The following FGF14 variants were observed in gnomAD, a reference collection of about 807,000 sequenced individuals.
FGF14 encodes fibroblast growth factor homologous factor 4.
Under a neutral mutation model 25.5 loss-of-function variants are expected in FGF14, and 5 were observed. That is an observed-to-expected ratio of 0.20 (90% CI 0.10 to 0.41). FGF14 has a LOEUF of 0.41. FGF14 is among the 10% of genes least tolerant of loss of function. The pLI, the probability that FGF14 is intolerant of heterozygous loss-of-function variation, is 1.00. For synonymous variants in FGF14, 138 were observed against 118.3 expected, an observed-to-expected ratio of 1.17 and a Z score of -1.08; for missense variants, 222 against 320.1, an observed-to-expected ratio of 0.69 and a Z score of 2.34.
At chr13:101,733,575 C>T (rs2035957941) in intron 3 of FGF14, among the ~76,000 whole-genome samples, 1 of 114,906 alleles carries the variant, frequency 8.7e-6, no homozygotes, top group Non-Finnish European at 1.7e-5. Context: ...AGCCTGGCGA[C>T]AGAACAAGAC....
At chr13:102,133,945 C>T (rs766315152) in intron 1 of FGF14, among the ~76,000 whole-genome samples, 1 of 152,188 alleles carries the variant, frequency 6.6e-6, no homozygotes, top group Non-Finnish European at 1.5e-5. Flanking sequence ...TCTCTTTCTA[C>T]AAAACACACA....
intron 1 of FGF14, among the ~76,000 whole-genome samples, chr13:102,047,615 T>C (rs1163005487): frequency 6.6e-6 from 1 of 151,712 alleles, no homozygotes; most frequent in Non-Finnish European, 1.5e-5. Context: ...CACTCATAGG[T>C]GGGAATTGAA....
intron 1 of FGF14, among the ~76,000 whole-genome samples, chr13:102,049,324 A>C (rs1485017590): frequency 1.3e-5 from 2 of 152,162 alleles, no homozygotes; most frequent in Non-Finnish European, 2.9e-5. Flanking sequence ...TAAATCTGAA[A>C]ATCAAATTTT....
intron 1 of FGF14, among the ~76,000 whole-genome samples, chr13:102,161,707 A>AT (rs2047774427): frequency 1.3e-5 from 2 of 149,454 alleles, no homozygotes; most frequent in South Asian, 4.3e-4. Context: ...GAAGAAGAAG[A>AT]AGAAGAAGAA....
At chr13:101,750,458 A>G (rs2037198480) in intron 3 of FGF14, among the ~76,000 whole-genome samples, 1 of 152,220 alleles carries the variant, frequency 6.6e-6, no homozygotes, top group African/African-American at 2.4e-5. Flanking sequence ...GTACATACAC[A>G]AACACATATT....
At chr13:102,294,570 G>A (rs1333384696) in intron 1 of FGF14, among the ~76,000 whole-genome samples, 9 of 152,102 alleles carry the variant, frequency 5.9e-5, no homozygotes, top group African/African-American at 2.2e-4. Flanking sequence ...TTTTAACCCC[G>A]TGGCATCCAC....
chr13:101,877,870 A>G lies in FGF14; in HGVS notation c.194-2574T>C, dbSNP rs142649077. 2.0e-3 allele frequency among the ~76,000 whole-genome samples: 310 copies of G among 152,304 alleles called. 2 individuals carry two copies. Among genetic ancestry groups the G allele is most frequent in the African/African-American group, 6.9e-3 (286 of 41,586 alleles). ...TTACCAAAATTGCTAGTTCAGTACT[A>G]TAAGTTTAAAACAAATGGGTTGCTC... On this transcript the variant is annotated intron_variant, in intron 1 of 4. Transcript: ENST00000376143.
rs959363633 is a variant in FGF14, at chr13:102,400,981, G to A, written c.208+490C>T. Among the ~76,000 whole-genome samples the A allele has an allele frequency of 3.3e-5, 5 of 152,108 alleles. No homozygotes were observed. The highest frequency in any genetic ancestry group is 9.7e-5 in the African/African-American group (4 of 41,416). Reference sequence around the variant, plus strand: ...CGGAGGAGCGGGGCCGCGAGGGAGGGGGCCTCTTTTACTTTGGTAAAGGTG... The same window carrying A: ...CGGAGGAGCGGGGCCGCGAGGGAGGAGGCCTCTTTTACTTTGGTAAAGGTG... On this transcript the variant is annotated intron_variant, in intron 1 of 4. Coordinates refer to the FGF14 transcript ENST00000376131. This position sits in a 1 kb window ranked among gnomAD's most constrained non-coding sequence, Gnocchi z 4.3.
At chr13:101,812,135 G>C (rs1026064809) in intron 3 of FGF14, among the ~76,000 whole-genome samples, 1 of 152,134 alleles carries the variant, frequency 6.6e-6, no homozygotes, top group Non-Finnish European at 1.5e-5. Context: ...GAGATGAAAA[G>C]ATGTCATTCT....
intron 1 of FGF14, among the ~76,000 whole-genome samples, chr13:102,326,546 T>C (rs940655259): frequency 6.6e-6 from 1 of 151,552 alleles, no homozygotes; most frequent in East Asian, 1.9e-4. Flanking sequence ...TATTTATAAG[T>C]TGGCTATGAA....
At chr13:101,892,839 GA>G (rs1431155810) in intron 1 of FGF14, among the ~76,000 whole-genome samples, 6 of 152,186 alleles carry the variant, frequency 3.9e-5, no homozygotes, top group African/African-American at 1.2e-4. Flanking sequence ...TTTTAGATAA[GA>G]AAGTAGCATC....
chr13:102,025,865 C>A (rs1222692046), intron 1 of FGF14, among the ~76,000 whole-genome samples: 3 of 151,912 alleles, frequency 2.0e-5, no homozygotes, highest in Non-Finnish European at 2.9e-5. Flanking sequence ...GTAATATTGT[C>A]AAATTCATTT....
At chr13:101,937,850 AG>A (rs2035205198) in intron 1 of FGF14, among the ~76,000 whole-genome samples, 1 of 152,118 alleles carries the variant, frequency 6.6e-6, no homozygotes, top group African/African-American at 2.4e-5. Flanking sequence ...TGACTGCCTC[AG>A]CCTCCAAAAG....
At chr13:102,041,541 A>AT (rs1341886852) in intron 1 of FGF14, among the ~76,000 whole-genome samples, 1 of 70,254 alleles carries the variant, frequency 1.4e-5, no homozygotes, top group African/African-American at 4.1e-5. Context: ...AAAAAAAAAC[A>AT]GTGTATGTTA....
chr13:102,334,067 C>T (rs2056716626), intron 1 of FGF14, among the ~76,000 whole-genome samples: 1 of 152,118 alleles, frequency 6.6e-6, no homozygotes, highest in Non-Finnish European at 1.5e-5. Flanking sequence ...CAAACATGCA[C>T]AGAAAGATGA....
chr13:102,106,010 T>C (rs1193284587), intron 1 of FGF14, among the ~76,000 whole-genome samples: 1 of 152,228 alleles, frequency 6.6e-6, no homozygotes, highest in Non-Finnish European at 1.5e-5. Context: ...TATCATTGAT[T>C]ACAGGGTTTC....
At chr13:102,210,840 A>G (rs1021909886) in intron 1 of FGF14, among the ~76,000 whole-genome samples, 4 of 152,206 alleles carry the variant, frequency 2.6e-5, no homozygotes, top group Admixed American at 6.5e-5. Flanking sequence ...CCAACTCACC[A>G]AACTCCAGAA....
At chr13:101,809,893 C>A (rs1329756733) in intron 3 of FGF14, among the ~76,000 whole-genome samples, 1 of 151,786 alleles carries the variant, frequency 6.6e-6, no homozygotes, top group Non-Finnish European at 1.5e-5. Context: ...AGGAAGAGAC[C>A]CCCCAAGGTC....
At chr13:102,092,147 C>T (rs2044194083) in intron 1 of FGF14, among the ~76,000 whole-genome samples, 1 of 152,178 alleles carries the variant, frequency 6.6e-6, no homozygotes, top group Admixed American at 6.6e-5. Context: ...TGATGATGTA[C>T]TAGACAGAAA....
Sources: gnomAD v4.1 joint callset for allele counts (sites outside exome capture counted in the v4.1 genomes callset) on GRCh38, gnomAD v4.1.1 for gene constraint, Gnocchi (gnomAD v3.1) non-coding constraint, MANE v1.5 for transcripts, NCBI Gene and HGNC (gene_info 2026-07-23, HGNC 2026-07-21) for gene names.